The following CDK14 variants were observed in gnomAD, a reference collection of about 807,000 sequenced individuals.
CDK14 encodes the protein cyclin-dependent kinase 14.
Under a neutral mutation model 60.7 loss-of-function variants are expected in CDK14, and 34 were observed. That is an observed-to-expected ratio of 0.56 (90% CI 0.43 to 0.75). CDK14 has a LOEUF of 0.75. Among genes scored for constraint, CDK14 ranks in the 30% least tolerant of loss-of-function variants. The probability of loss-of-function intolerance (pLI) is 0.00; values close to 1 mark genes in which losing one functional copy is unlikely to be tolerated. For missense variants in CDK14, 482 were observed against 564.1 expected, an observed-to-expected ratio of 0.85 and a Z score of 1.47; for synonymous variants, 197 against 203.7, an observed-to-expected ratio of 0.97 and a Z score of 0.28.
intron 9 of CDK14, among the ~76,000 whole-genome samples, chr7:90,981,062 G>T (rs1252057452): frequency 6.6e-6 from 1 of 152,158 alleles, no homozygotes; most frequent in Non-Finnish European, 1.5e-5. Context: ...AGGCCAAAAA[G>T]TAGAGAGCAG....
At chr7:90,943,644 C>T (rs974069825) in intron 8 of CDK14, among the ~76,000 whole-genome samples, 13 of 152,152 alleles carry the variant, frequency 8.5e-5, no homozygotes, top group Admixed American at 5.2e-4. Flanking sequence ...TATTCGTGTG[C>T]ATCATAAACA....
intron 14 of CDK14, among the ~76,000 whole-genome samples, chr7:91,194,129 A>G (rs1201580522): frequency 6.6e-6 from 1 of 152,168 alleles, no homozygotes; most frequent in African/African-American, 2.4e-5. Context: ...CTACAAATCA[A>G]CCTGGTAGAA....
intron 11 of CDK14, among the ~76,000 whole-genome samples, chr7:91,070,354 G>A (rs907986277): frequency 2.6e-5 from 4 of 152,132 alleles, no homozygotes; most frequent in Non-Finnish European, 5.9e-5. Flanking sequence ...TAGAATAAGA[G>A]CTCCGTGAAG....
At chr7:91,125,975 T>C (rs1175859787) in intron 14 of CDK14, among the ~76,000 whole-genome samples, 2 of 152,198 alleles carry the variant, frequency 1.3e-5, no homozygotes, top group Admixed American at 6.6e-5. Flanking sequence ...GAAAGATGTG[T>C]GATTATAATG....
intron 11 of CDK14, among the ~76,000 whole-genome samples, chr7:91,059,756 T>C (rs1797717284): frequency 6.6e-6 from 1 of 152,252 alleles, no homozygotes; most frequent in Admixed American, 6.5e-5. Flanking sequence ...TTGATTGCAC[T>C]GTGGTCTGAG....
intron 12 of CDK14, chr7:91,107,270 G>A (rs1322548566): frequency 6.6e-6 from 1 of 152,134 alleles, no homozygotes; most frequent in Non-Finnish European, 1.5e-5. Flanking sequence ...TTCAAAAAAT[G>A]TTTTCATTTT....
chr7:90,630,881 G>GGTGTGTGTGTGTGTGT (rs1160442832), intron 2 of CDK14, among the ~76,000 whole-genome samples: 24 of 78,834 alleles, frequency 3.0e-4, no homozygotes, highest in African/African-American at 6.3e-4. Context: ...TACATCTTGG[G>GGTGTGTGTGTGTGTGT]GTGTGTATGT....
intron 11 of CDK14, among the ~76,000 whole-genome samples, chr7:91,079,217 T>A (rs970594874): frequency 6.6e-6 from 1 of 152,198 alleles, no homozygotes; most frequent in Non-Finnish European, 1.5e-5. Flanking sequence ...AAATAAACCA[T>A]CTTAGACTAA....
At position 91,207,810 on chromosome 7, in the gene CDK14, A is replaced by C. The variant is rs1035887880; in HGVS notation, c.*674A>C. The C allele has an allele frequency of 6.5e-6, 1 of 152,684 alleles. No individual in the cohort carries two copies. The highest frequency in any genetic ancestry group is 1.5e-5 in the Non-Finnish European group (1 of 68,046). The allele number at this position is 152,684 out of a possible 1,614,324, so 9.5% of individuals were successfully genotyped here. On this transcript the variant is annotated 3_prime_UTR_variant, in exon 15 of 15. Transcript: ENST00000380050. The stretch of plus-strand genomic sequence containing the variant: ...GCTTAGCATTTTCAAGCCACATAGC[A>C]TGACTGTTTTTTGAATAGGTTGGAA...
At position 91,070,286 on chromosome 7, in the gene CDK14, G is replaced by C. The variant is rs533175052; in HGVS notation, c.1106-9146G>C. On this transcript the variant is annotated intron_variant, in intron 11 of 14. Coordinates refer to ENST00000380050, the MANE Select transcript of CDK14 (RefSeq NM_001287135.2). Reference sequence around the variant, plus strand: ...TGCTGCTGCTGGTGGTGGTGGTGGTGGTGGTGGTAGTGATGGTGATGGTGG... The same window carrying C: ...TGCTGCTGCTGGTGGTGGTGGTGGTCGTGGTGGTAGTGATGGTGATGGTGG... Among the ~76,000 whole-genome samples the C allele has an allele frequency of 2.7e-3, 411 of 152,182 alleles. 1 individual carries two copies. Among genetic ancestry groups the C allele is most frequent in the African/African-American group, 9.5e-3 (394 of 41,522 alleles).
At chr7:90,753,501 C>T (rs1032728737) in intron 4 of CDK14, among the ~76,000 whole-genome samples, 14 of 152,090 alleles carry the variant, frequency 9.2e-5, no homozygotes, top group Non-Finnish European at 1.6e-4. Flanking sequence ...ATAATAAGAG[C>T]CACCTATGAC....
At chr7:90,834,334 A>G (rs1790018332) in intron 5 of CDK14, among the ~76,000 whole-genome samples, 1 of 152,220 alleles carries the variant, frequency 6.6e-6, no homozygotes, top group Admixed American at 6.5e-5. Context: ...GTTTTGTTAA[A>G]ACAATGGGAG....
At chr7:91,197,361 C>G (rs1409966229) in intron 14 of CDK14, among the ~76,000 whole-genome samples, 2 of 149,092 alleles carry the variant, frequency 1.3e-5, no homozygotes, top group African/African-American at 5.0e-5. Flanking sequence ...GATCACACCA[C>G]TGAACTCTGG....
chr7:90,928,525 C>CA (rs1793493430), intron 8 of CDK14, among the ~76,000 whole-genome samples: 1 of 152,200 alleles, frequency 6.6e-6, no homozygotes, highest in Non-Finnish European at 1.5e-5. Flanking sequence ...CCAGCGGAGG[C>CA]TGCAGAACAG....
At chr7:91,134,225 C>T (rs949976826) in intron 14 of CDK14, among the ~76,000 whole-genome samples, 28 of 152,134 alleles carry the variant, frequency 1.8e-4, no homozygotes, top group Non-Finnish European at 4.4e-5. Context: ...GGAGATGTTG[C>T]AAACAGCCAT....
chr7:90,658,527 G>A (rs1169820810), intron 2 of CDK14, among the ~76,000 whole-genome samples: 3 of 152,218 alleles, frequency 2.0e-5, no homozygotes, highest in African/African-American at 7.2e-5. Context: ...TTTGGAGCGA[G>A]GAGCATAAAT....
chr7:90,843,099 C>A (rs1790352572), intron 5 of CDK14, among the ~76,000 whole-genome samples: 1 of 152,078 alleles, frequency 6.6e-6, no homozygotes, highest in Admixed American at 6.5e-5. Flanking sequence ...TTGATAATTC[C>A]TTAAATTTAC....
intron 10 of CDK14, among the ~76,000 whole-genome samples, chr7:90,999,403 A>G (rs376736677): frequency 1.6e-4 from 23 of 146,720 alleles, no homozygotes; most frequent in African/African-American, 5.8e-4. Flanking sequence ...CCTGGCCAAC[A>G]TGGTGAAACC....
At chr7:90,680,120 A>G (rs1346799590) in intron 2 of CDK14, among the ~76,000 whole-genome samples, 1 of 152,094 alleles carries the variant, frequency 6.6e-6, no homozygotes, top group African/African-American at 2.4e-5. Context: ...TATCCCTGTA[A>G]AACCTTTATG....
Sources: gnomAD v4.1 joint callset for allele counts (sites outside exome capture counted in the v4.1 genomes callset) on GRCh38, gnomAD v4.1.1 for gene constraint, MANE v1.5 for transcripts, NCBI Gene and HGNC (gene_info 2026-07-23, HGNC 2026-07-21) for gene names.